Variants in GALNT13 observed in about 807,000 individuals in gnomAD.
GALNT13 encodes polypeptide N-acetylgalactosaminyltransferase 13, also known as UDP-GalNAc:polypeptide N-acetylgalactosaminyltransferase 13.
A neutral mutation model predicts 64.2 loss-of-function variants in GALNT13; 28 were observed. The observed-to-expected ratio is 0.44, with a 90% CI of 0.32 to 0.60. The LOEUF is 0.60. Ranked by LOEUF, GALNT13 falls within the 20% of genes least tolerant of loss-of-function variation. GALNT13 has a pLI of 0.05. For synonymous variants in GALNT13, 214 were observed against 224.6 expected (o/e 0.95, Z 0.42); for missense variants, 577 against 669.8 (o/e 0.86, Z 1.53).
intron 4 of GALNT13, among the ~76,000 whole-genome samples, chr2:154,152,291 G>A (rs1272809456): frequency 1.3e-4 from 19 of 151,978 alleles, no homozygotes; most frequent in Admixed American, 8.5e-4. Context: ...AGTTTCTGCC[G>A]AGAGATCCGC....
chr2:153,506,472 G>A, the GALNT13 span, among the ~76,000 whole-genome samples: 3 of 152,104 alleles, frequency 2.0e-5, no homozygotes, highest in Non-Finnish European at 2.9e-5. Flanking sequence ...CTATTTTGCT[G>A]TGTTTCCAGG....
At chr2:153,155,468 G>A in the GALNT13 span, among the ~76,000 whole-genome samples, 3 of 152,086 alleles carry the variant, frequency 2.0e-5, no homozygotes, top group Non-Finnish European at 4.4e-5. Flanking sequence ...TTTGTATCCA[G>A]GAATTTATCT....
chr2:153,296,683 T>C, the GALNT13 span, among the ~76,000 whole-genome samples: 5 of 152,196 alleles, frequency 3.3e-5, no homozygotes, highest in Non-Finnish European at 7.3e-5. Context: ...TTCTAGTAGT[T>C]ACTTGAAGAG....
the GALNT13 span, among the ~76,000 whole-genome samples, chr2:153,305,484 C>G: frequency 1.3e-5 from 2 of 152,150 alleles, no homozygotes; most frequent in African/African-American, 4.8e-5. Flanking sequence ...TGATACCAAT[C>G]TCTGAACTGT....
the GALNT13 span, among the ~76,000 whole-genome samples, chr2:153,237,394 G>A: frequency 2.0e-5 from 3 of 151,680 alleles, no homozygotes; most frequent in South Asian, 2.1e-4. Context: ...AATTATTGTT[G>A]CCTGTAATCA....
the GALNT13 span, among the ~76,000 whole-genome samples, chr2:153,767,793 G>GTT: frequency 2.5e-3 from 363 of 145,272 alleles, 2 homozygotes; most frequent in African/African-American, 8.2e-3. Context: ...ACTTTTTAAT[G>GTT]TTTTTTTTTT....
the GALNT13 span, among the ~76,000 whole-genome samples, chr2:153,756,583 T>G: frequency 6.6e-6 from 1 of 152,138 alleles, no homozygotes; most frequent in African/African-American, 2.4e-5. Context: ...GAAACTTGCC[T>G]CAAATACCTT....
At chr2:153,227,430 A>C in the GALNT13 span, among the ~76,000 whole-genome samples, 1 of 152,162 alleles carries the variant, frequency 6.6e-6, no homozygotes, top group Non-Finnish European at 1.5e-5. Flanking sequence ...GAAGACCATT[A>C]GAGGTGATGA....
chr2:153,628,045 TCCTTGAAGCGGTCCTTCACGTC>T, the GALNT13 span, among the ~76,000 whole-genome samples: 1 of 152,176 alleles, frequency 6.6e-6, no homozygotes, highest in Non-Finnish European at 1.5e-5. Context: ...TTTGTAGTTC[TCCTTGAAGCGGTCCTTCACGTC>T]CCTTGTAAGT....
chr2:154,416,664 G>A (rs1024482914), intron 11 of GALNT13, among the ~76,000 whole-genome samples: 2 of 152,092 alleles, frequency 1.3e-5, no homozygotes, highest in African/African-American at 4.8e-5. Flanking sequence ...GGGATCATGA[G>A]TTATCTCTTT....
intron 3 of GALNT13, among the ~76,000 whole-genome samples, chr2:154,045,987 T>C (rs192958715): frequency 3.8e-4 from 58 of 152,044 alleles, no homozygotes; most frequent in Non-Finnish European, 3.5e-4. Flanking sequence ...TTTTCCGATC[T>C]AGTGGAGAGA....
the GALNT13 span, among the ~76,000 whole-genome samples, chr2:153,434,800 G>A: frequency 2.6e-5 from 4 of 152,084 alleles, no homozygotes; most frequent in Non-Finnish European, 5.9e-5. Context: ...TCTGATGGTA[G>A]TTTCTTTTGC....
the GALNT13 span, among the ~76,000 whole-genome samples, chr2:153,739,193 A>G: frequency 6.6e-6 from 1 of 151,962 alleles, no homozygotes; most frequent in Non-Finnish European, 1.5e-5. Flanking sequence ...CATATTTGCA[A>G]CATTTTGGCA....
At chr2:153,517,409 T>G in the GALNT13 span, among the ~76,000 whole-genome samples, 7 of 152,158 alleles carry the variant, frequency 4.6e-5, no homozygotes, top group African/African-American at 1.4e-4. Flanking sequence ...AGTGATTGAC[T>G]TCAGCGCTGG....
chr2:153,267,522 G>C, the GALNT13 span, among the ~76,000 whole-genome samples: 1 of 152,188 alleles, frequency 6.6e-6, no homozygotes, highest in Non-Finnish European at 1.5e-5. Flanking sequence ...TAAAGCAATA[G>C]CCCAAGCTGT....
chr2:154,387,046 A>G (rs755652902), intron 9 of GALNT13, among the ~76,000 whole-genome samples: 2 of 152,130 alleles, frequency 1.3e-5, no homozygotes, highest in Admixed American at 6.6e-5. Flanking sequence ...TGTGGTAATA[A>G]TAGTAAATGA....
chr2:154,015,625 C>T (rs1341056254), intron 3 of GALNT13, among the ~76,000 whole-genome samples: 1 of 152,154 alleles, frequency 6.6e-6, no homozygotes, highest in Non-Finnish European at 1.5e-5. Flanking sequence ...ATTTATGTTA[C>T]TCATCACATT....
At chr2:153,101,463 T>C in the GALNT13 span, among the ~76,000 whole-genome samples, 1 of 152,210 alleles carries the variant, frequency 6.6e-6, no homozygotes. Flanking sequence ...CTGTTGTGGT[T>C]TTACTGTTGA....
chr2:153,391,834 A>G, the GALNT13 span, among the ~76,000 whole-genome samples: 1 of 151,900 alleles, frequency 6.6e-6, no homozygotes, highest in East Asian at 1.9e-4. Context: ...AGTATAAAAT[A>G]TAATTATTTT....
Sources: gnomAD v4.1 joint callset for allele counts (sites outside exome capture counted in the v4.1 genomes callset) on GRCh38, gnomAD v4.1.1 for gene constraint, MANE v1.5 for transcripts, NCBI Gene and HGNC (gene_info 2026-07-23, HGNC 2026-07-21) for gene names.